The following NR3C2 variants were observed in gnomAD, a reference collection of about 807,000 sequenced individuals.
NR3C2 encodes nuclear receptor subfamily 3 group C member 2.
NR3C2 carries 15 observed loss-of-function variants against 86.4 expected under a neutral mutation model. The observed-to-expected ratio is 0.17, with a 90% CI of 0.12 to 0.27. The LOEUF (loss-of-function observed/expected upper bound fraction) is 0.27, where lower values mean the gene tolerates loss of function less well. Among genes scored for constraint, NR3C2 ranks in the 10% least tolerant of loss-of-function variants. The pLI is 1.00. For missense variants in NR3C2, 960 were observed against 1,195.6 expected (o/e 0.80, Z 2.91); for synonymous variants, 458 against 450.5 (o/e 1.02, Z -0.21).
intron 3 of NR3C2, among the ~76,000 whole-genome samples, chr4:148,197,932 TC>T (rs1489498199): frequency 1.3e-5 from 2 of 152,154 alleles, no homozygotes; most frequent in Non-Finnish European, 2.9e-5. Context: ...TAGTCATCCA[TC>T]CGTGTACTCG....
rs1750007788 is a variant in NR3C2 at position 148,435,548 on chromosome 4, C to T, written c.1313G>A (p.Gly438Asp). The T allele has an allele frequency of 6.2e-7, 1 of 1,614,008 alleles. No individual in the cohort carries two copies. Among genetic ancestry groups the T allele is most frequent in the African/African-American group, 1.3e-5 (1 of 75,032 alleles). Residue 438 changes from glycine (G) to aspartate (D), a missense_variant, in exon 2 of 9, where the codon GGC becomes GAC. Gly to Asp is a moderately conservative substitution (Grantham distance 94). Transcript: ENST00000358102. ...TGTTGGATTCCCTTTAAAAGAGGTG[C>T]CTGAACATGAATGCTTGGTTGATTC... ...KQESTKHSCS[G>D]TSFKGNPTVN...
At chr4:148,437,684 A>G (rs1216251663) in intron 1 of NR3C2, among the ~76,000 whole-genome samples, 1 of 152,168 alleles carries the variant, frequency 6.6e-6, no homozygotes, top group African/African-American at 2.4e-5. Flanking sequence ...ACAACCAGAA[A>G]TGTTTACTCT....
At chr4:148,189,945 G>A (rs978922887) in intron 4 of NR3C2, among the ~76,000 whole-genome samples, 1 of 152,056 alleles carries the variant, frequency 6.6e-6, no homozygotes, top group African/African-American at 2.4e-5. Flanking sequence ...CTTGGTTAAT[G>A]TTGCTAATGG....
chr4:148,345,287 C>T (rs138434041), intron 2 of NR3C2, among the ~76,000 whole-genome samples: 14 of 151,656 alleles, frequency 9.2e-5, no homozygotes, highest in African/African-American at 2.4e-4. Context: ...CATATACACA[C>T]GTGCACATGA....
chr4:148,384,217 T>A (rs1449250944), intron 2 of NR3C2, among the ~76,000 whole-genome samples: 1 of 152,028 alleles, frequency 6.6e-6, no homozygotes, highest in South Asian at 2.1e-4. Context: ...ATATTTTCTA[T>A]ACAGTAATAG....
At chr4:148,350,589 C>A (rs1227951753) in intron 2 of NR3C2, among the ~76,000 whole-genome samples, 1 of 152,170 alleles carries the variant, frequency 6.6e-6, no homozygotes, top group African/African-American at 2.4e-5. Flanking sequence ...TAACCCATCT[C>A]CTCAAATCCA....
At chr4:148,264,541 A>C (rs151148598) in intron 2 of NR3C2, among the ~76,000 whole-genome samples, 1 of 152,336 alleles carries the variant, frequency 6.6e-6, no homozygotes, top group Non-Finnish European at 1.5e-5. Context: ...CAGGGATCAA[A>C]GACAGGAATG....
rs147421337 is a variant in NR3C2, at chr4:148,437,898, T to C, written c.-2-1036A>G. Among the ~76,000 whole-genome samples the C allele has an allele frequency of 7.4e-3, 1,125 of 152,328 alleles. 10 individuals carry two copies. Among genetic ancestry groups the C allele is most frequent in the Non-Finnish European group, 0.011 (761 of 68,026 alleles). ...TATATAACCATATCCATGCGCTCTA[T>C]AGATCAATTTACTTCACAGACAGAA... On this transcript the variant is annotated intron_variant, in intron 1 of 8. Transcript: ENST00000358102.
intron 4 of NR3C2, among the ~76,000 whole-genome samples, chr4:148,186,162 CA>C (rs937559362): frequency 3.3e-5 from 5 of 151,692 alleles, no homozygotes; most frequent in South Asian, 2.1e-4. Context: ...TTATCCTTGT[CA>C]AAAAAAATAA....
Position 148,336,501 on chromosome 4 carries a change from C to T in NR3C2, c.1758-76384G>A, listed in dbSNP as rs1446888968. ...GAACTTGGATAAATGGGATAAATGG[C>T]GGCTTGGACAATGGGGACTTTAGTG... On this transcript the variant is annotated intron_variant, in intron 2 of 8. Transcript: ENST00000358102. 3.9e-5 allele frequency among the ~76,000 whole-genome samples: 6 copies of T among 152,084 alleles called. No individual in the cohort carries two copies. The South Asian group carries it at 8.3e-4, about 21-fold the overall frequency.
intron 2 of NR3C2, among the ~76,000 whole-genome samples, chr4:148,421,648 C>T (rs1415503898): frequency 6.6e-6 from 1 of 152,164 alleles, no homozygotes; most frequent in East Asian, 1.9e-4. Context: ...GACATCTAGC[C>T]ATTTTCCCCA....
intron 2 of NR3C2, among the ~76,000 whole-genome samples, chr4:148,323,615 G>A (rs930675167): frequency 6.6e-6 from 1 of 152,128 alleles, no homozygotes; most frequent in Non-Finnish European, 1.5e-5. Context: ...GAAAAGCGCA[G>A]TATTCGGGTG....
intron 2 of NR3C2, among the ~76,000 whole-genome samples, chr4:148,423,719 A>G (rs1749393105): frequency 6.6e-6 from 1 of 152,090 alleles, no homozygotes. Flanking sequence ...TATTATTATT[A>G]TTTTTGAAAC....
chr4:148,144,526 C>T (rs1411786445), intron 6 of NR3C2, among the ~76,000 whole-genome samples: 4 of 152,112 alleles, frequency 2.6e-5, no homozygotes, highest in African/African-American at 9.7e-5. Context: ...CTAATTCTTA[C>T]CACTATGATA....
At chr4:148,106,385 C>T (rs1001107759) in intron 8 of NR3C2, among the ~76,000 whole-genome samples, 1 of 152,178 alleles carries the variant, frequency 6.6e-6, no homozygotes, top group African/African-American at 2.4e-5. Context: ...AACGGAAAAA[C>T]ATTCCATGCT....
intron 6 of NR3C2, among the ~76,000 whole-genome samples, chr4:148,136,897 C>G (rs1465915347): frequency 6.6e-6 from 1 of 152,168 alleles, no homozygotes; most frequent in Non-Finnish European, 1.5e-5. Flanking sequence ...AACTCACCAG[C>G]TACACTATAG....
intron 8 of NR3C2, among the ~76,000 whole-genome samples, chr4:148,111,793 G>A (rs540826576): frequency 3.3e-5 from 5 of 152,254 alleles, no homozygotes; most frequent in African/African-American, 1.2e-4. Flanking sequence ...AACTAATCTC[G>A]ATTCACAGAG....
At chr4:148,444,937 G>A, upstream of NR3C2, 1 of 984,936 alleles carries the variant, frequency 1.0e-6, no homozygotes, top group Non-Finnish European at 1.2e-6. Context: ...GGCCCTGGGT[G>A]GCCGGTGACA....
At chr4:148,318,870 CTTTAG>C (rs1743383321) in intron 2 of NR3C2, among the ~76,000 whole-genome samples, 1 of 151,512 alleles carries the variant, frequency 6.6e-6, no homozygotes, top group Non-Finnish European at 1.5e-5. Flanking sequence ...TGCAGAAGCT[CTTTAG>C]TTTAATTAGA....
Sources: gnomAD v4.1 joint callset for allele counts (sites outside exome capture counted in the v4.1 genomes callset) on GRCh38, gnomAD v4.1.1 for gene constraint, MANE v1.5 for transcripts, NCBI Gene and HGNC (gene_info 2026-07-23, HGNC 2026-07-21) for gene names.